RALYL: variants seen among roughly 807,000 people sequenced by gnomAD.
The protein encoded by RALYL is RALY RNA binding protein like, also known as RNA-binding Raly-like protein.
RALYL carries 29 observed loss-of-function variants against 35.1 expected under a neutral mutation model. That is an observed-to-expected ratio of 0.83 (90% CI 0.61 to 1.13). The LOEUF is 1.13. Among genes scored for constraint, RALYL ranks in the 50% most tolerant of loss-of-function variants. RALYL has a pLI of 0.00. For synonymous variants in RALYL, 120 were observed against 127.6 expected, an observed-to-expected ratio of 0.94 and a Z score of 0.40; for missense variants, 359 against 360.4, an observed-to-expected ratio of 1.00 and a Z score of 0.03.
chr8:84,423,788 T>C (rs1409641246), intron 1 of RALYL, among the ~76,000 whole-genome samples: 4 of 151,708 alleles, frequency 2.6e-5, no homozygotes, highest in Admixed American at 1.3e-4. Context: ...GTAAAGTATT[T>C]TATTTCTCCT....
chr8:84,882,528 A>G (rs1016280756), intron 7 of RALYL, among the ~76,000 whole-genome samples: 1 of 152,062 alleles, frequency 6.6e-6, no homozygotes, highest in African/African-American at 2.4e-5. Flanking sequence ...CATGGTGTGC[A>G]AAATTCAACT....
At chr8:84,621,401 A>C (rs1230038301) in intron 2 of RALYL, among the ~76,000 whole-genome samples, 1 of 151,818 alleles carries the variant, frequency 6.6e-6, no homozygotes, top group African/African-American at 2.4e-5. Context: ...AGGAAAGGGA[A>C]CTCCCTGACC....
At chr8:84,397,113 A>G (rs894544981) in intron 1 of RALYL, among the ~76,000 whole-genome samples, 4 of 152,126 alleles carry the variant, frequency 2.6e-5, no homozygotes, top group Non-Finnish European at 5.9e-5. Context: ...GGAAATGGAC[A>G]ACAGTGGCAG....
chr8:84,253,195 T>G (rs1190819345), intron 1 of RALYL, among the ~76,000 whole-genome samples: 2 of 129,730 alleles, frequency 1.5e-5, no homozygotes, highest in Admixed American at 7.7e-5. Flanking sequence ...TTTTTTTTTT[T>G]TTTTTTTTTT....
chr8:84,546,472 C>T (rs183159658), intron 2 of RALYL, among the ~76,000 whole-genome samples: 248 of 152,252 alleles, frequency 1.6e-3, no homozygotes, highest in African/African-American at 5.8e-3. Context: ...TTTTGTCAAA[C>T]GTCTTTTTAG....
chr8:84,327,451 G>A (rs900526107), intron 1 of RALYL, among the ~76,000 whole-genome samples: 2 of 152,144 alleles, frequency 1.3e-5, no homozygotes, highest in African/African-American at 2.4e-5. Flanking sequence ...AAAGGGCCAT[G>A]TATGTTTGAA....
rs185653641 is a variant in RALYL at position 84,336,328 on chromosome 8, C to A, written c.-24+151904C>A. Among the ~76,000 whole-genome samples, 649 of 152,238 alleles carry A rather than the reference C, an allele frequency of 4.3e-3. 6 individuals carry two copies. Among genetic ancestry groups the A allele is most frequent in the African/African-American group, 0.015 (628 of 41,572 alleles). On this transcript the variant is annotated intron_variant, in intron 1 of 8. Coordinates refer to ENST00000521268, the MANE Select transcript of RALYL (RefSeq NM_173848.7). ...AACTGCAAGACACATGTTTGGTTTA[C>A]AATTTCAACCCAGGCTTTTTTATTT...
intron 1 of RALYL, among the ~76,000 whole-genome samples, chr8:84,330,959 G>A (rs1846691988): frequency 6.6e-6 from 1 of 152,074 alleles, no homozygotes; most frequent in Non-Finnish European, 1.5e-5. Flanking sequence ...AAGTAATGGA[G>A]AGCATTGTAT....
intron 1 of RALYL, among the ~76,000 whole-genome samples, chr8:84,317,551 C>T (rs1843983541): frequency 6.6e-6 from 1 of 152,184 alleles, no homozygotes; most frequent in Non-Finnish European, 1.5e-5. Context: ...TTTCATCCGT[C>T]AGAATTGCCG....
chr8:84,783,722 C>A (rs2133752713), intron 3 of RALYL, among the ~76,000 whole-genome samples: 1 of 152,208 alleles, frequency 6.6e-6, no homozygotes. Flanking sequence ...CAAGTGGATT[C>A]ATATGTATTT....
chr8:84,655,311 G>A (rs1170849956), intron 2 of RALYL, among the ~76,000 whole-genome samples: 1 of 149,768 alleles, frequency 6.7e-6, no homozygotes, highest in Non-Finnish European at 1.5e-5. Flanking sequence ...TTTTGTTTTT[G>A]TCTTGTTTTG....
intron 1 of RALYL, among the ~76,000 whole-genome samples, chr8:84,367,318 A>ATTTGTTTTTGTTTTTTTT (rs756622990): frequency 3.6e-5 from 1 of 27,400 alleles, no homozygotes; most frequent in Non-Finnish European, 9.9e-5. Flanking sequence ...TAATTTTTGT[A>ATTTGTTTTTGTTTTTTTT]TTTTTTTTTT....
At chr8:84,436,712 G>A (rs2047771011) in intron 1 of RALYL, among the ~76,000 whole-genome samples, 2 of 151,146 alleles carry the variant, frequency 1.3e-5, no homozygotes, top group Admixed American at 1.3e-4. Flanking sequence ...TATATAATTT[G>A]ATGAGTTTGA....
chr8:84,499,723 T>C (rs1256716399), intron 1 of RALYL, among the ~76,000 whole-genome samples: 1 of 152,072 alleles, frequency 6.6e-6, no homozygotes, highest in African/African-American at 2.4e-5. Context: ...GGAGACATAT[T>C]TTCTTGATTT....
chr8:84,741,227 T>G (rs1440482501), intron 2 of RALYL, among the ~76,000 whole-genome samples: 1 of 151,958 alleles, frequency 6.6e-6, no homozygotes, highest in African/African-American at 2.4e-5. Context: ...AGGAAGATGA[T>G]GACCACAGTG....
rs545577388 is a variant in RALYL, at chr8:84,336,222, C to T, written c.-24+151798C>T. On this transcript the variant is annotated intron_variant, in intron 1 of 8. Transcript: ENST00000521268. ...CTGATTTTTTTTAACCTTATGGACA[C>T]TGAATTGATTGTTTTTCACTTGTGA... Among the ~76,000 whole-genome samples the T allele has an allele frequency of 6.6e-5, 10 of 152,218 alleles. No homozygotes were observed. The South Asian group carries it at 2.1e-3, about 32-fold the overall frequency.
At chr8:84,650,266 C>G (rs965751783) in intron 2 of RALYL, among the ~76,000 whole-genome samples, 4 of 152,100 alleles carry the variant, frequency 2.6e-5, no homozygotes, top group Admixed American at 1.3e-4. Flanking sequence ...AATTGAGTAC[C>G]CTTTATTTCC....
At chr8:84,872,395 G>A (rs574320813) in intron 6 of RALYL, 2 of 152,118 alleles carry the variant, frequency 1.3e-5, no homozygotes, top group South Asian at 2.1e-4. Context: ...AGAAAAATAA[G>A]GACAGTGCAG....
chr8:84,455,021 G>C (rs1429470469), intron 1 of RALYL, among the ~76,000 whole-genome samples: 3 of 152,020 alleles, frequency 2.0e-5, no homozygotes, highest in Non-Finnish European at 4.4e-5. Context: ...ATGAATTGGG[G>C]TAACTATACA....
Sources: gnomAD v4.1 joint callset for allele counts (sites outside exome capture counted in the v4.1 genomes callset) on GRCh38, gnomAD v4.1.1 for gene constraint, MANE v1.5 for transcripts, NCBI Gene and HGNC (gene_info 2026-07-23, HGNC 2026-07-21) for gene names.